Variants in SOX6 observed in about 807,000 individuals in gnomAD.
The protein encoded by SOX6 is transcription factor SOX-6.
SOX6 carries 11 observed loss-of-function variants against 97.8 expected under a neutral mutation model. That is an observed-to-expected ratio of 0.11 (90% CI 0.07 to 0.19). SOX6 has a LOEUF of 0.19. Ranked by LOEUF, SOX6 falls within the 10% of genes least tolerant of loss-of-function variation. The pLI, the probability that SOX6 is intolerant of heterozygous loss-of-function variation, is 1.00. For synonymous variants in SOX6, 360 were observed against 371.4 expected (o/e 0.97, Z 0.35); for missense variants, 810 against 1,039.5 (o/e 0.78, Z 3.04).
intron 4 of SOX6, among the ~76,000 whole-genome samples, chr11:16,595,603 CA>C (rs10712410): frequency 0.55 from 62,995 of 113,724 alleles, 17,007 homozygotes; most frequent in East Asian, 0.76. Flanking sequence ...CCACCTCTAC[CA>C]AAAAAAAAAA....
In SOX6 at chr11:16,096,711, C is replaced by T. The variant is rs565922113; in HGVS notation, c.979-593G>A. 5.9e-5 allele frequency among the ~76,000 whole-genome samples: 9 copies of T among 151,882 alleles called. No homozygotes were observed. The East Asian group carries it at 1.7e-3, about 29-fold the overall frequency. On this transcript the variant is annotated intron_variant, in intron 8 of 15. Coordinates refer to ENST00000683767, the MANE Select transcript of SOX6 (RefSeq NM_001367873.1). ...AAAAATAAAAATGCTTCACCAGATG[C>T]TATTCTGTAGATAATTTAAGAAAAC...
chr11:16,384,462 TA>T (rs1857918670), intron 1 of SOX6, among the ~76,000 whole-genome samples: 1 of 151,962 alleles, frequency 6.6e-6, no homozygotes, highest in South Asian at 2.1e-4. Flanking sequence ...GAAAAAATGC[TA>T]AAAGTAGATT....
intron 1 of SOX6, among the ~76,000 whole-genome samples, chr11:16,381,737 C>A (rs1392327378): frequency 6.6e-6 from 1 of 151,878 alleles, no homozygotes; most frequent in African/African-American, 2.4e-5. Context: ...CACACATCAT[C>A]TTTCACCGAC....
At chr11:16,212,311 A>G (rs1048123458) in intron 4 of SOX6, among the ~76,000 whole-genome samples, 1 of 152,096 alleles carries the variant, frequency 6.6e-6, no homozygotes, top group Non-Finnish European at 1.5e-5. Flanking sequence ...AATCCACTAA[A>G]TTTAGTGTTT....
At chr11:16,253,776 AAG>A (rs1375716120) in intron 3 of SOX6, among the ~76,000 whole-genome samples, 3 of 152,082 alleles carry the variant, frequency 2.0e-5, no homozygotes, top group African/African-American at 7.2e-5. Context: ...GGAAAAGAAA[AAG>A]AGAAAGGAAC....
At chr11:16,298,759 T>C (rs1303790517) in intron 3 of SOX6, among the ~76,000 whole-genome samples, 1 of 152,136 alleles carries the variant, frequency 6.6e-6, no homozygotes, top group African/African-American at 2.4e-5. Context: ...AACACTTATG[T>C]TCTTATTATT....
At chr11:16,119,666 A>C (rs1171608543) in intron 6 of SOX6, among the ~76,000 whole-genome samples, 1 of 152,180 alleles carries the variant, frequency 6.6e-6, no homozygotes, top group Non-Finnish European at 1.5e-5. Context: ...ACCAACTAGG[A>C]CCTCAGATCT....
intron 4 of SOX6, among the ~76,000 whole-genome samples, chr11:16,212,898 T>A (rs1590033906): frequency 6.6e-6 from 1 of 152,200 alleles, no homozygotes; most frequent in Non-Finnish European, 1.5e-5. Flanking sequence ...GGTTCCATGA[T>A]GTTAAAGGCC....
At chr11:16,511,893 G>A (rs532609753) in intron 4 of SOX6, among the ~76,000 whole-genome samples, 3 of 152,242 alleles carry the variant, frequency 2.0e-5, no homozygotes, top group South Asian at 4.1e-4. Flanking sequence ...GGAGATTAAG[G>A]TTTTGAACTA....
rs1393451503 is a variant in SOX6, at chr11:15,989,265, G to A, written c.1733-35C>T. On this transcript the variant is annotated intron_variant, in intron 13 of 15. Coordinates refer to ENST00000683767, the MANE Select transcript of SOX6 (RefSeq NM_001367873.1). ...CAGGGCAGGAAGAACAAGATGAGTG[G>A]AAAGCGTTATTTTGTGGATAATGTC... The A allele has an allele frequency of 4.6e-6, 7 of 1,538,188 alleles. No homozygotes were observed. The South Asian group carries it at 7.3e-5, about 16-fold the overall frequency.
chr11:16,602,533 T>A (rs1848283155), intron 4 of SOX6, among the ~76,000 whole-genome samples: 1 of 152,232 alleles, frequency 6.6e-6, no homozygotes, highest in Non-Finnish European at 1.5e-5. Context: ...TCATTTGGCC[T>A]ACTGCCCATG....
intron 4 of SOX6, among the ~76,000 whole-genome samples, chr11:16,523,318 A>G (rs1327046777): frequency 6.6e-6 from 1 of 152,358 alleles, no homozygotes; most frequent in East Asian, 1.9e-4. Context: ...AGAACTCAGG[A>G]TTAAGAAACT....
intron 3 of SOX6, among the ~76,000 whole-genome samples, chr11:16,254,216 C>T (rs1853611076): frequency 2.0e-5 from 3 of 151,880 alleles, no homozygotes; most frequent in Admixed American, 2.0e-4. Context: ...TGAAGTTCTT[C>T]AGGGAGAAGG....
intron 2 of SOX6, among the ~76,000 whole-genome samples, chr11:16,325,665 T>A (rs1028197603): frequency 6.6e-6 from 1 of 152,112 alleles, no homozygotes; most frequent in African/African-American, 2.4e-5. Context: ...GGATCTCAAA[T>A]ATTATTTCTA....
chr11:16,454,610 G>A (rs1041341371), intron 1 of SOX6, among the ~76,000 whole-genome samples: 1 of 152,042 alleles, frequency 6.6e-6, no homozygotes, highest in Admixed American at 6.6e-5. Context: ...GATAGACTGT[G>A]TCAAAAGGCG....
At chr11:16,653,609 G>C (rs775197618) in intron 3 of SOX6, among the ~76,000 whole-genome samples, 11 of 152,142 alleles carry the variant, frequency 7.2e-5, no homozygotes, top group Non-Finnish European at 1.2e-4. Flanking sequence ...AATGGACTTT[G>C]GGGACTAGGG....
chr11:16,735,834 T>G (rs1162315868), intron 2 of SOX6, among the ~76,000 whole-genome samples: 1 of 152,146 alleles, frequency 6.6e-6, no homozygotes, highest in Non-Finnish European at 1.5e-5. Context: ...ATTTTTTTTT[T>G]TAGTCTCAAG....
chr11:16,168,323 CAGG>C (rs1475797128), intron 6 of SOX6, among the ~76,000 whole-genome samples: 1 of 151,972 alleles, frequency 6.6e-6, no homozygotes, highest in African/African-American at 2.4e-5. Flanking sequence ...AAAATAGAGG[CAGG>C]TTTATAAAGA....
At chr11:16,658,886 A>G (rs1847745285) in intron 3 of SOX6, among the ~76,000 whole-genome samples, 3 of 152,204 alleles carry the variant, frequency 2.0e-5, no homozygotes, top group Non-Finnish European at 2.9e-5. Context: ...CTTTTAGCTA[A>G]CATGATTGTT....
Sources: allele counts gnomAD v4.1 joint callset (sites outside exome capture counted in the v4.1 genomes callset), GRCh38; gene constraint gnomAD v4.1.1; transcripts MANE v1.5; gene names NCBI Gene and HGNC (gene_info 2026-07-23, HGNC 2026-07-21).